The following ZNF131 variants were observed in gnomAD, a reference collection of about 807,000 sequenced individuals.
The protein encoded by ZNF131 is zinc finger protein 131.
Under a neutral mutation model 60.0 loss-of-function variants are expected in ZNF131, and 7 were observed. That is an observed-to-expected ratio of 0.12 (90% CI 0.07 to 0.22). The LOEUF is 0.22. Ranked by LOEUF, ZNF131 falls within the 10% of genes least tolerant of loss-of-function variation. The probability of loss-of-function intolerance (pLI) is 1.00; values close to 1 mark genes in which losing one functional copy is unlikely to be tolerated. For synonymous variants in ZNF131, 257 were observed against 253.2 expected (o/e 1.01, Z -0.14); for missense variants, 493 against 740.9 (o/e 0.67, Z 3.88).
intron 4 of ZNF131, among the ~76,000 whole-genome samples, chr5:43,148,045 T>C (rs1281151979): frequency 1.4e-5 from 1 of 73,684 alleles, no homozygotes; most frequent in Admixed American, 1.6e-4. Context: ...CAAGAGTGCT[T>C]TTTTTTTTTT....
At chr5:43,170,867 C>T (rs1375522345) in intron 5 of ZNF131, among the ~76,000 whole-genome samples, 3 of 151,126 alleles carry the variant, frequency 2.0e-5, no homozygotes, top group Non-Finnish European at 4.4e-5. Context: ...GAACTCCTGA[C>T]CTTATGATCC....
intron 3 of ZNF131, among the ~76,000 whole-genome samples, chr5:43,125,370 G>T (rs1744396445): frequency 6.6e-6 from 1 of 151,560 alleles, no homozygotes; most frequent in Non-Finnish European, 1.5e-5. Flanking sequence ...GCGTGATCAG[G>T]CTGGTCTCGA....
In ZNF131 at chr5:43,175,521, T is replaced by C; in HGVS notation, c.*388T>C. On this transcript the variant is annotated 3_prime_UTR_variant, in exon 7 of 7. Transcript: ENST00000682664. Reference sequence around the variant, plus strand: ...AACTTAAATCATTAGAATACAAGTTTATGTATTCTAATGCATGTTAGAAAA... The same window carrying C: ...AACTTAAATCATTAGAATACAAGTTCATGTATTCTAATGCATGTTAGAAAA... 1.4e-6 allele frequency: 1 copy of C among 693,182 alleles called. No individual in the cohort carries two copies. Among genetic ancestry groups the C allele is most frequent in the Non-Finnish European group, 2.6e-6 (1 of 382,344 alleles). The allele number at this position is 693,182 out of a possible 1,614,324, so 42.9% of individuals were successfully genotyped here.
At chr5:43,169,905 C>G (rs1157644014) in intron 5 of ZNF131, among the ~76,000 whole-genome samples, 1 of 152,012 alleles carries the variant, frequency 6.6e-6, no homozygotes, top group Non-Finnish European at 1.5e-5. Context: ...ATTCTCCTGC[C>G]TCAGCCTCCC....
rs1561456391 is a variant in ZNF131 at position 43,174,956 on chromosome 5, C to T, written c.1695C>T (p.Asp565=). Reference sequence around the variant, plus strand: ...CTGAACTTCTAGAAGCAGATTTGGACCACGTGACCCCAGAAATCATGAACC... The same window carrying T: ...CTGAACTTCTAGAAGCAGATTTGGATCACGTGACCCCAGAAATCATGAACC... The part of the protein sequence containing the change: ...VQTELLEADL[D]HVTPEIMNQE... The change falls in exon 7 of 7, where the codon GAC becomes GAT. Residue 565 remains aspartate (D), a synonymous_variant. Coordinates refer to ENST00000682664, the MANE Select transcript of ZNF131 (RefSeq NM_001330707.2). The T allele has an allele frequency of 1.2e-6, 2 of 1,614,042 alleles. No homozygotes were observed. Among genetic ancestry groups the T allele is most frequent in the African/African-American group, 1.3e-5 (1 of 74,998 alleles).
chr5:43,173,415 A>G lies in ZNF131; in HGVS notation c.1152A>G (p.Ala384=). 6.2e-7 allele frequency: 1 copy of G among 1,611,566 alleles called. No homozygotes were observed. The highest frequency in any genetic ancestry group is 8.5e-7 in the Non-Finnish European group (1 of 1,178,346). ...CTGCATGCCAAACTGGAGTAGGGGC[A>G]AAAAAAGGAAGGAAGAAGCTCTACG... ...HLTACQTGVG[A]KKGRKKLYEC... The change falls in exon 6 of 7, where the codon GCA becomes GCG. Residue 384 remains alanine (A), a synonymous_variant. Transcript: ENST00000682664.
intron 3 of ZNF131, among the ~76,000 whole-genome samples, chr5:43,126,898 T>C (rs1374199674): frequency 6.6e-6 from 1 of 152,102 alleles, no homozygotes; most frequent in African/African-American, 2.4e-5. Flanking sequence ...TTTCTAGTTC[T>C]CTAGCCAGAA....
chr5:43,131,705 G>A (rs931384642), intron 3 of ZNF131, among the ~76,000 whole-genome samples: 1 of 151,616 alleles, frequency 6.6e-6, no homozygotes, highest in Non-Finnish European at 1.5e-5. Context: ...AGCCTTTCTA[G>A]TAAAAATATT....
At chr5:43,155,927 A>G (rs1474843311) in intron 4 of ZNF131, among the ~76,000 whole-genome samples, 1 of 152,290 alleles carries the variant, frequency 6.6e-6, no homozygotes, top group East Asian at 1.9e-4. Context: ...TTTACCAGTC[A>G]ACAGGATATC....
chr5:43,135,813 C>G (rs2112223054), intron 3 of ZNF131, among the ~76,000 whole-genome samples: 1 of 151,836 alleles, frequency 6.6e-6, no homozygotes, highest in East Asian at 2.0e-4. Context: ...TTGAGCATCT[C>G]AAATTTGAAA....
At chr5:43,134,012 A>G (rs530895243) in intron 3 of ZNF131, among the ~76,000 whole-genome samples, 2 of 152,306 alleles carry the variant, frequency 1.3e-5, no homozygotes, top group South Asian at 2.1e-4. Context: ...AGAGGAAGGA[A>G]TATTTCCAAA....
intron 5 of ZNF131, among the ~76,000 whole-genome samples, chr5:43,167,209 A>AT (rs1027805387): frequency 6.6e-6 from 1 of 152,246 alleles, no homozygotes; most frequent in Non-Finnish European, 1.5e-5. Context: ...ACAGATCATT[A>AT]TAAGACATAA....
intron 5 of ZNF131, among the ~76,000 whole-genome samples, chr5:43,164,483 A>G (rs998144031): frequency 1.3e-5 from 2 of 152,256 alleles, no homozygotes; most frequent in Non-Finnish European, 2.9e-5. Context: ...CCAGCAGCAC[A>G]ATAAACAAAC....
chr5:43,145,928 TC>T (rs1258072206), intron 4 of ZNF131, among the ~76,000 whole-genome samples: 2 of 152,208 alleles, frequency 1.3e-5, no homozygotes, highest in Non-Finnish European at 2.9e-5. Flanking sequence ...CATGAGTTGA[TC>T]CTTAAGCGGA....
intron 4 of ZNF131, among the ~76,000 whole-genome samples, chr5:43,141,002 A>T (rs1746754998): frequency 1.3e-5 from 2 of 152,206 alleles, no homozygotes; most frequent in Non-Finnish European, 1.5e-5. Flanking sequence ...TACAGGTGTG[A>T]GCCACTGTGA....
Position 43,161,394 on chromosome 5 carries a change from G to T in ZNF131, c.517G>T (p.Ala173Ser), listed in dbSNP as rs1749678538. Reference sequence around the variant, plus strand: ...ACCTGTTGAAATTGAGGTAGAGATTGCCGAAGGCACCATTGAAGTGGAAGA... The same window carrying T: ...ACCTGTTGAAATTGAGGTAGAGATTTCCGAAGGCACCATTGAAGTGGAAGA... ...SEPVEIEVEIAEGTIEVEDEG... is the reference protein window; with the variant it reads ...SEPVEIEVEISEGTIEVEDEG... Residue 173 changes from alanine to serine, a missense_variant, in exon 5 of 7, where the codon GCC (alanine) becomes TCC (serine). This residue lies in a region of ZNF131 where 138 missense variants were observed against 158.7 expected (regional missense o/e 0.87). Transcript: ENST00000682664. 1 of 1,614,260 alleles carries T rather than the reference G, an allele frequency of 6.2e-7. No individual in the cohort carries two copies. Among genetic ancestry groups the T allele is most frequent in the Middle Eastern group, 1.6e-4 (1 of 6,062 alleles).
chr5:43,155,985 T>C (rs763258036), intron 4 of ZNF131, among the ~76,000 whole-genome samples: 11 of 152,192 alleles, frequency 7.2e-5, no homozygotes, highest in Non-Finnish European at 1.6e-4. Context: ...GACACTGCAC[T>C]AAATCCTGAC....
chr5:43,161,706 A>C lies in ZNF131; in HGVS notation c.829A>C (p.Lys277Gln). ...TTCATTTAAATTGTTTTACCATTTT[A>C]AGGAGCACATGAAATCACACTCCAC... is the stretch of plus-strand genomic sequence containing the variant. The part of the protein sequence containing the change: ...NRSFKLFYHF[K>Q]EHMKSHSTES... The change falls in exon 5 of 7, where the codon AAG (lysine) becomes CAG (glutamine). Residue 277 changes from lysine to glutamine, a missense_variant. Around this residue, in one of 7 missense-constraint regions of ZNF131, gnomAD observed 26 missense variants for 63.3 expected, o/e 0.41. Coordinates refer to ENST00000682664, the MANE Select transcript of ZNF131 (RefSeq NM_001330707.2). 2 of 1,614,220 alleles carry C rather than the reference A, an allele frequency of 1.2e-6. No individual in the cohort carries two copies. The highest frequency in any genetic ancestry group is 1.7e-6 in the Non-Finnish European group (2 of 1,180,014).
chr5:43,163,422 T>C (rs1463781969), intron 5 of ZNF131, among the ~76,000 whole-genome samples: 1 of 152,240 alleles, frequency 6.6e-6, no homozygotes, highest in East Asian at 1.9e-4. Context: ...GAATAAGGTC[T>C]TTATACTTCT....
Sources: gnomAD v4.1 joint callset for allele counts (sites outside exome capture counted in the v4.1 genomes callset) on GRCh38, gnomAD v4.1.1 for gene constraint, gnomAD v4.1.1 regional missense constraint, MANE v1.5 for transcripts, NCBI Gene and HGNC (gene_info 2026-07-23, HGNC 2026-07-21) for gene names.